Variants in CENPP observed in about 807,000 individuals in gnomAD.
The protein encoded by CENPP is centromere protein P.
Under a neutral mutation model 35.6 loss-of-function variants are expected in CENPP, and 24 were observed. The ratio of observed to expected loss-of-function variants is 0.67; its 90% CI spans 0.49 to 0.95. The LOEUF (loss-of-function observed/expected upper bound fraction) is 0.95. Ranked by LOEUF, CENPP falls within the 40% of genes least tolerant of loss-of-function variation. CENPP has a pLI of 0.00. For missense variants in CENPP, 332 were observed against 345.3 expected (o/e 0.96, Z 0.31); for synonymous variants, 120 against 125.5 (o/e 0.96, Z 0.29).
chr9:92,514,555 G>A lies in CENPP; in HGVS notation c.565-96759G>A, dbSNP rs117548897. ...CTTTCAAAGTGCTGAGATTATAGGC[G>A]TGAGCCACCGTGCCCAGCTGCTAAG... On this transcript the variant is annotated intron_variant, in intron 5 of 7. Transcript: ENST00000375587. 14 of 1,506,910 alleles carry A rather than the reference G, an allele frequency of 9.3e-6. No homozygotes were observed. In the African/African-American group the frequency reaches 9.8e-5, roughly 11 times the overall value. The allele number at this position is 1,506,910 out of a possible 1,614,324, so 93.3% of individuals were successfully genotyped here.
chr9:92,430,456 A>G lies in CENPP; in HGVS notation c.564+50597A>G, dbSNP rs77711246. ...TTTTTTTTTTAAGATGAAGTCATTC[A>G]AGCGATTCTTCTGCTTCAGTCGCCC... On this transcript the variant is annotated intron_variant, in intron 5 of 7. Transcript: ENST00000375587. 8.7e-3 allele frequency among the ~76,000 whole-genome samples: 1,315 copies of G among 151,458 alleles called. 17 individuals are homozygous for G. Among genetic ancestry groups the G allele is most frequent in the African/African-American group, 0.03 (1,236 of 41,196 alleles).
At chr9:92,599,314 C>T (rs943270791) in intron 5 of CENPP, among the ~76,000 whole-genome samples, 15 of 152,174 alleles carry the variant, frequency 9.9e-5, no homozygotes, top group Admixed American at 5.2e-4. Context: ...TAAGGTCACA[C>T]AGGACAGACC....
chr9:92,576,609 C>T (rs757777250), intron 5 of CENPP, among the ~76,000 whole-genome samples: 5 of 151,830 alleles, frequency 3.3e-5, no homozygotes, highest in African/African-American at 7.3e-5. Flanking sequence ...ATTGATATCT[C>T]ATATCAATAA....
At chr9:92,467,204 A>C (rs1053671079) in intron 5 of CENPP, among the ~76,000 whole-genome samples, 3 of 152,234 alleles carry the variant, frequency 2.0e-5, no homozygotes, top group African/African-American at 7.2e-5. Flanking sequence ...GAGGTCTAAT[A>C]ACTCCAGAGA....
rs773765920 is a variant in CENPP, at chr9:92,615,294, G to A, written c.*2145G>A. Reference sequence around the variant, plus strand: ...TACACTGCTCAGAATCGGCATCTGCGCGACCACGAGGTCACGCTGTGCAGC... The same window carrying A: ...TACACTGCTCAGAATCGGCATCTGCACGACCACGAGGTCACGCTGTGCAGC... On this transcript the variant is annotated 3_prime_UTR_variant, in exon 8 of 8. Transcript: ENST00000375587. The A allele has an allele frequency of 6.3e-6, 1 of 159,990 alleles. No homozygotes were observed. The highest frequency in any genetic ancestry group is 2.4e-5 in the African/African-American group (1 of 41,466). The allele number at this position is 159,990 out of a possible 1,614,324, so 9.9% of individuals were successfully genotyped here. A position where few individuals can be genotyped will look rare whatever the true frequency, so the allele number is the denominator to read the frequency against.
chr9:92,477,478 T>C (rs775038869), intron 5 of CENPP, among the ~76,000 whole-genome samples: 1 of 152,186 alleles, frequency 6.6e-6, no homozygotes, highest in Non-Finnish European at 1.5e-5. Flanking sequence ...TTCTGTAACA[T>C]TCTTGCATTA....
chr9:92,413,738 C>A (rs1360636014), intron 5 of CENPP, among the ~76,000 whole-genome samples: 1 of 152,018 alleles, frequency 6.6e-6, no homozygotes, highest in African/African-American at 2.4e-5. Flanking sequence ...TAAGAAAGGA[C>A]TTGATGAATG....
intron 5 of CENPP, chr9:92,500,689 C>T: frequency 6.4e-7 from 1 of 1,571,548 alleles, no homozygotes; most frequent in Non-Finnish European, 8.6e-7. Flanking sequence ...TTTTGCCAAC[C>T]AAAATTTAAA....
intron 5 of CENPP, among the ~76,000 whole-genome samples, chr9:92,547,186 A>G (rs1179799499): frequency 6.6e-6 from 1 of 152,238 alleles, no homozygotes; most frequent in East Asian, 1.9e-4. Flanking sequence ...TTCAACAGCC[A>G]TTAGTGTTTT....
In CENPP at chr9:92,524,811, A is replaced by G. The variant is rs1352821823; in HGVS notation, c.565-86503A>G. 3.9e-5 allele frequency among the ~76,000 whole-genome samples: 6 copies of G among 152,334 alleles called. No homozygotes were observed. The East Asian group carries it at 1.2e-3, about 29-fold the overall frequency. The stretch of plus-strand genomic sequence containing the variant: ...GAAGGTTAAAGTAACTAACTTGCTC[A>G]GTGATGAAATTTATTTCAATTCTCA... On this transcript the variant is annotated intron_variant, in intron 5 of 7. Coordinates refer to ENST00000375587, the MANE Select transcript of CENPP (RefSeq NM_001012267.3).
At chr9:92,464,367 A>T (rs950981471) in intron 5 of CENPP, among the ~76,000 whole-genome samples, 5 of 152,228 alleles carry the variant, frequency 3.3e-5, no homozygotes, top group African/African-American at 1.2e-4. Flanking sequence ...ACAGGTGGTC[A>T]CTTCCTACGT....
At chr9:92,515,015 T>C (rs13298061) in intron 5 of CENPP, 2 of 1,614,196 alleles carry the variant, frequency 1.2e-6, no homozygotes, top group East Asian at 4.5e-5. Flanking sequence ...TTTTGCTCTG[T>C]ATCTTCTTCT....
intron 5 of CENPP, among the ~76,000 whole-genome samples, chr9:92,609,188 C>A (rs1296647136): frequency 6.6e-6 from 1 of 152,252 alleles, no homozygotes; most frequent in East Asian, 1.9e-4. Context: ...CCGCCAGGCC[C>A]CTCTCAGCCT....
chr9:92,334,421 G>T lies in CENPP; in HGVS notation c.289+2070G>T, dbSNP rs79350034. ...GGTGTGAGCCCCTGCGCCTGGCCGAGAGTAGTATTTTAATTTATAATTTTT... is the reference window on the plus strand; with the variant it reads ...GGTGTGAGCCCCTGCGCCTGGCCGATAGTAGTATTTTAATTTATAATTTTT... On this transcript the variant is annotated intron_variant, in intron 2 of 7. Transcript: ENST00000375587. 5.5e-3 allele frequency among the ~76,000 whole-genome samples: 834 copies of T among 152,124 alleles called. 43 individuals are homozygous for T. The East Asian group carries it at 0.089, about 16-fold the overall frequency.
chr9:92,497,846 C>T lies in CENPP; in HGVS notation c.565-113468C>T, dbSNP rs116684829. On this transcript the variant is annotated intron_variant, in intron 5 of 7. Coordinates refer to ENST00000375587, the MANE Select transcript of CENPP (RefSeq NM_001012267.3). ...TCAGGGGAGTGAGTAAGTTCTTGTT[C>T]TATTAATTCCCATAAGAGCTGGTTG... Among the ~76,000 whole-genome samples the T allele has an allele frequency of 7.1e-4, 101 of 141,446 alleles. 1 individual carries two copies. Among genetic ancestry groups the T allele is most frequent in the African/African-American group, 2.6e-3 (99 of 37,648 alleles). The allele number at this position is 141,446 out of a possible 152,430, so 92.8% of individuals were successfully genotyped here.
chr9:92,571,192 T>C (rs1850129146), intron 5 of CENPP, among the ~76,000 whole-genome samples: 1 of 152,232 alleles, frequency 6.6e-6, no homozygotes, highest in African/African-American at 2.4e-5. Context: ...TTTTAGATCT[T>C]TCCTGCTTTC....
intron 5 of CENPP, chr9:92,404,807 AC>A: frequency 3.0e-6 from 1 of 335,262 alleles, no homozygotes. Context: ...TGTGTAATAA[AC>A]ATTCATGTTT....
At chr9:92,571,796 A>T (rs1273883875) in intron 5 of CENPP, among the ~76,000 whole-genome samples, 2 of 151,824 alleles carry the variant, frequency 1.3e-5, no homozygotes, top group African/African-American at 4.8e-5. Flanking sequence ...TAGGATAGTT[A>T]GCTCTTCTTG....
chr9:92,619,618 C>T lies in CENPP; in HGVS notation c.*6469C>T, dbSNP rs1851559012. On this transcript the variant is annotated 3_prime_UTR_variant, in exon 8 of 8. Coordinates refer to ENST00000375587, the MANE Select transcript of CENPP (RefSeq NM_001012267.3). The stretch of plus-strand genomic sequence containing the variant: ...GGTCACACAGGAAGCCTCTGCCCCC[C>T]CACACAACCTTCCTTCCCAGTAGCC... The T allele has an allele frequency of 2.8e-5, 41 of 1,455,552 alleles. 1 individual carries two copies. The South Asian group carries it at 4.4e-4, about 16-fold the overall frequency. The allele number at this position is 1,455,552 out of a possible 1,614,324, so 90.2% of individuals were successfully genotyped here.
Sources: gnomAD v4.1 joint callset for allele counts (sites outside exome capture counted in the v4.1 genomes callset) on GRCh38, gnomAD v4.1.1 for gene constraint, MANE v1.5 for transcripts, NCBI Gene and HGNC (gene_info 2026-07-23, HGNC 2026-07-21) for gene names.